The following AFTPH variants were observed in gnomAD, a reference collection of about 807,000 sequenced individuals.
AFTPH encodes aftiphilin.
Under a neutral mutation model 72.5 loss-of-function variants are expected in AFTPH, and 7 were observed. The observed-to-expected ratio is 0.10, with a 90% CI of 0.05 to 0.18. The LOEUF (loss-of-function observed/expected upper bound fraction) is 0.18, where lower values mean the gene tolerates loss of function less well. AFTPH is among the 10% of genes least tolerant of loss of function. The pLI, the probability that AFTPH is intolerant of heterozygous loss-of-function variation, is 1.00. For missense variants in AFTPH, 979 were observed against 1,060.5 expected (o/e 0.92, Z 1.07); for synonymous variants, 337 against 370.1 (o/e 0.91, Z 1.03).
chr2:64,551,549 T>G (rs1313419286), exon 2 of AFTPH: 4 of 1,613,996 alleles, frequency 2.5e-6, no homozygotes, highest in Non-Finnish European at 3.4e-6. Context: ...ATGATGATGA[T>G]GATGAATTTG....
chr2:64,566,313 CTT>C (rs1162529813), intron 2 of AFTPH, among the ~76,000 whole-genome samples: 4 of 152,120 alleles, frequency 2.6e-5, no homozygotes, highest in African/African-American at 9.7e-5. Flanking sequence ...GTGAGAATAA[CTT>C]TTGTAGAATT....
At chr2:64,570,855 C>G (rs1016307422) in intron 5 of AFTPH, among the ~76,000 whole-genome samples, 1 of 151,026 alleles carries the variant, frequency 6.6e-6, no homozygotes, top group Non-Finnish European at 1.5e-5. Flanking sequence ...TATTTTTCAA[C>G]CTTTATTAGT....
chr2:64,542,517 T>C (rs2103868826), intron 1 of AFTPH, among the ~76,000 whole-genome samples: 1 of 152,272 alleles, frequency 6.6e-6, no homozygotes, highest in South Asian at 2.1e-4. Context: ...ACTTCAAAAC[T>C]TCCATCTTTT....
chr2:64,579,421 T>TA (rs1367290407), intron 6 of AFTPH, 65 bp from the exon 7 acceptor site: 7 of 1,335,560 alleles, frequency 5.2e-6, no homozygotes, highest in Non-Finnish European at 7.3e-6. Flanking sequence ...TTTTTTTTTT[T>TA]AAGGATTCTT....
At chr2:64,545,727 T>C (rs1255749182) in intron 1 of AFTPH, among the ~76,000 whole-genome samples, 4 of 151,122 alleles carry the variant, frequency 2.6e-5, no homozygotes, top group Non-Finnish European at 5.9e-5. Context: ...AAGGACAAAA[T>C]TGTGGCGATG....
chr2:64,584,958 A>C (rs1270742921), intron 7 of AFTPH, among the ~76,000 whole-genome samples: 2 of 152,188 alleles, frequency 1.3e-5, no homozygotes, highest in African/African-American at 2.4e-5. Context: ...GGTAGCTTCT[A>C]AATCTTTTTC....
exon 2 of AFTPH, chr2:64,552,735 T>C (rs1434264236): frequency 6.2e-7 from 1 of 1,614,066 alleles, no homozygotes; most frequent in Non-Finnish European, 8.5e-7. Flanking sequence ...TAGTAATGAC[T>C]TTGTGACTTG....
chr2:64,538,914 G>T (rs1304995076), intron 1 of AFTPH, among the ~76,000 whole-genome samples: 1 of 152,186 alleles, frequency 6.6e-6, no homozygotes, highest in East Asian at 1.9e-4. Flanking sequence ...TGTTTGTGAT[G>T]TAGAAAGCAG....
At chr2:64,575,693 ATGTGTGTATATGTGTGTG>A (rs1672722675) in intron 6 of AFTPH, among the ~76,000 whole-genome samples, 3 of 135,434 alleles carry the variant, frequency 2.2e-5, no homozygotes, top group Non-Finnish European at 4.7e-5. Context: ...ATATATATGT[ATGTGTGTATATGTGTGTG>A]TGTGTGTGTG....
chr2:64,569,735 A>C, intron 5 of AFTPH, 56 bp downstream of exon 5: 1 of 1,501,718 alleles, frequency 6.7e-7, no homozygotes, highest in Non-Finnish European at 9.3e-7. Context: ...ATTCTGTAAA[A>C]TCATCTTAAA....
intron 7 of AFTPH, chr2:64,579,959 C>T (rs1673073504): frequency 6.2e-6 from 1 of 160,134 alleles, no homozygotes; most frequent in Non-Finnish European, 1.4e-5. Context: ...TAGCCAAAAA[C>T]AGTGTGCATA....
At chr2:64,572,082 T>TGG (rs905259442) in intron 5 of AFTPH, among the ~76,000 whole-genome samples, 9 of 151,984 alleles carry the variant, frequency 5.9e-5, no homozygotes, top group African/African-American at 1.9e-4. Flanking sequence ...TAGTCAGGCA[T>TGG]GGTGGTGGAC....
At chr2:64,548,049 C>G (rs547891441) in intron 1 of AFTPH, among the ~76,000 whole-genome samples, 3 of 151,146 alleles carry the variant, frequency 2.0e-5, no homozygotes, top group Non-Finnish European at 3.0e-5. Flanking sequence ...CCTCAGCCCC[C>G]CAAAGTGCTG....
intron 5 of AFTPH, among the ~76,000 whole-genome samples, chr2:64,572,220 C>CAAA (rs34614295): frequency 0.12 from 13,678 of 116,508 alleles, 902 homozygotes; most frequent in Non-Finnish European, 0.16. Context: ...AACTCTGTCT[C>CAAA]AAAAAAAAAA....
intron 7 of AFTPH, chr2:64,580,963 A>C (rs1673161672): frequency 8.9e-6 from 3 of 338,356 alleles, no homozygotes; most frequent in Non-Finnish European, 1.6e-5. Flanking sequence ...TTTACATTGT[A>C]CATGAGAAAA....
intron 1 of AFTPH, among the ~76,000 whole-genome samples, chr2:64,534,083 G>T (rs1669764144): frequency 6.6e-6 from 1 of 151,790 alleles, no homozygotes; most frequent in Non-Finnish European, 1.5e-5. Context: ...GGTTTTTGGT[G>T]TTTTCTTCTT....
At chr2:64,545,505 A>G (rs932349192) in intron 1 of AFTPH, among the ~76,000 whole-genome samples, 2 of 147,832 alleles carry the variant, frequency 1.4e-5, no homozygotes, top group Non-Finnish European at 3.0e-5. Context: ...AACAACCAAA[A>G]TGTCCTTCAG....
chr2:64,592,918 A>G (rs1673904220), exon 9 of AFTPH: 1 of 152,668 alleles, frequency 6.6e-6, no homozygotes, highest in Non-Finnish European at 1.5e-5. Context: ...ACCTCTAACA[A>G]GGTTAATGTG....
chr2:64,583,776 A>G (rs1162534276), intron 7 of AFTPH, among the ~76,000 whole-genome samples: 2 of 152,166 alleles, frequency 1.3e-5, no homozygotes, highest in African/African-American at 4.8e-5. Flanking sequence ...AAATACTGAG[A>G]ACTTGGGAGA....
Sources: gnomAD v4.1 joint callset for allele counts (sites outside exome capture counted in the v4.1 genomes callset) on GRCh38, gnomAD v4.1.1 for gene constraint, MANE v1.5 for transcripts, NCBI Gene and HGNC (gene_info 2026-07-23, HGNC 2026-07-21) for gene names.